Variants in FBLN1 observed in about 807,000 individuals in gnomAD.
FBLN1 encodes fibulin-1.
In FBLN1, 34 loss-of-function variants were observed where a neutral mutation model predicts 89.7. The ratio of observed to expected loss-of-function variants is 0.38; its 90% confidence interval spans 0.29 to 0.50. The LOEUF is 0.50. FBLN1 is among the 20% of genes least tolerant of loss of function. The pLI is 0.92. For missense variants in FBLN1, 777 were observed against 988.1 expected (o/e 0.79, Z 2.86); for synonymous variants, 393 against 391.3 (o/e 1.00, Z -0.05).
At chr22:45,570,334 A>AAG (rs1569260958) in intron 14 of FBLN1, among the ~76,000 whole-genome samples, 1 of 96,296 alleles carries the variant, frequency 1.0e-5, no homozygotes, top group East Asian at 2.7e-4. Flanking sequence ...AAAAAAAAAA[A>AAG]AAAAAGAAAA....
chr22:45,587,994 T>C (rs1283233150), intron 16 of FBLN1, among the ~76,000 whole-genome samples: 1 of 152,214 alleles, frequency 6.6e-6, no homozygotes, highest in Non-Finnish European at 1.5e-5. Flanking sequence ...CAGGTCCTGC[T>C]CTGAGGAATG....
chr22:45,511,320 A>G (rs1194305067), intron 1 of FBLN1, among the ~76,000 whole-genome samples: 2 of 150,232 alleles, frequency 1.3e-5, no homozygotes, highest in Admixed American at 1.3e-4. Flanking sequence ...ATGCCTGGTT[A>G]ATTTTGTATT....
rs1229594045 is a variant in FBLN1 at position 45,563,052 on chromosome 22, C to G, written c.1698-11459C>G. 1.9e-6 allele frequency: 3 copies of G among 1,613,494 alleles called. No homozygotes were observed. In the South Asian group the frequency reaches 3.3e-5, roughly 18 times the overall value. ...CGCATGGGCCCCTCCAGTGCTGTCC[C>G]CGGGGACAGCATGCAGCTGGCCATC... On this transcript the variant is annotated intron_variant, in intron 14 of 16. Transcript: ENST00000327858. The surrounding 1 kb of genome is among the most constrained non-coding windows in gnomAD (Gnocchi z 5.7).
At position 45,524,206 on chromosome 22, in the gene FBLN1, G is replaced by T. The variant is rs187510303; in HGVS notation, c.186-1337G>T. ...GCCATTTTTGTGCAGAGGTGGCCTG[G>T]CTGGCAGTGCAGGGAAGCTGGGGAG... On this transcript the variant is annotated intron_variant, in intron 2 of 16. Coordinates refer to ENST00000327858, the MANE Select transcript of FBLN1 (RefSeq NM_006486.3). 8.1e-4 allele frequency among the ~76,000 whole-genome samples: 123 copies of T among 152,320 alleles called. 1 individual carries two copies. Among genetic ancestry groups the T allele is most frequent in the Non-Finnish European group, 1.4e-3 (92 of 68,024 alleles).
intron 16 of FBLN1, among the ~76,000 whole-genome samples, chr22:45,584,484 C>T (rs550078673): frequency 1.1e-3 from 168 of 152,338 alleles, no homozygotes; most frequent in African/African-American, 3.7e-3. Context: ...TGTGTGGCCG[C>T]GGCAAACTGC....
In FBLN1 at chr22:45,586,335, A is replaced by G. The variant is rs2089085475; in HGVS notation, c.1972+9227A>G. On this transcript the variant is annotated intron_variant, in intron 16 of 16. Transcript: ENST00000327858. ...CGTGGCCGCCTCTGCAGGAGGAGAC[A>G]GCATGGTGGGGAGAGGGGACTGTCT... is the stretch of plus-strand genomic sequence containing the variant. Among the ~76,000 whole-genome samples, 3 of 152,336 alleles carry G rather than the reference A, an allele frequency of 2.0e-5. No homozygotes were observed. In the South Asian group the frequency reaches 6.2e-4, roughly 32 times the overall value.
chr22:45,523,466 G>T (rs1423600281), intron 2 of FBLN1, among the ~76,000 whole-genome samples: 1 of 152,238 alleles, frequency 6.6e-6, no homozygotes, highest in Non-Finnish European at 1.5e-5. Flanking sequence ...ACTTCGGGAG[G>T]CTGAGGCGGG....
chr22:45,544,330 G>T (rs898104782), intron 11 of FBLN1, among the ~76,000 whole-genome samples: 1 of 152,050 alleles, frequency 6.6e-6, no homozygotes, highest in African/African-American at 2.4e-5. Context: ...CAGATGATCC[G>T]CCCACCTCGG....
At chr22:45,591,661 T>C (rs902781436) in intron 16 of FBLN1, among the ~76,000 whole-genome samples, 11 of 152,082 alleles carry the variant, frequency 7.2e-5, no homozygotes, top group African/African-American at 2.7e-4. Context: ...GAAGACCAGG[T>C]TTCGGGAGCT....
In FBLN1 at chr22:45,536,044, G is replaced by A. The variant is rs185690664; in HGVS notation, c.922+707G>A. Among the ~76,000 whole-genome samples, 482 of 152,288 alleles carry A rather than the reference G, an allele frequency of 3.2e-3. 3 individuals carry two copies. The highest frequency in any genetic ancestry group is 0.011 in the African/African-American group (449 of 41,554). On this transcript the variant is annotated intron_variant, in intron 8 of 16. Coordinates refer to ENST00000327858, the MANE Select transcript of FBLN1 (RefSeq NM_006486.3). This position sits in a 1 kb window ranked among gnomAD's most constrained non-coding sequence, Gnocchi z 5.1. ...CAAAAAATTAGCTGGGTGTAGTGGC[G>A]CATGCCTACAGTCCCAGCTACTTGG...
In FBLN1 at chr22:45,580,799, G is replaced by A. The variant is rs1050974837; in HGVS notation, c.1972+3691G>A. On this transcript the variant is annotated intron_variant, in intron 16 of 16. Coordinates refer to ENST00000327858, the MANE Select transcript of FBLN1 (RefSeq NM_006486.3). This position sits in a 1 kb window ranked among gnomAD's most constrained non-coding sequence, Gnocchi z 8.6. ...CCTCCCAGAGTAACAGAAGAAGAGGGAGAAATGCCCCGAGTCCACTAAGAA... is the reference window on the plus strand; with the variant it reads ...CCTCCCAGAGTAACAGAAGAAGAGGAAGAAATGCCCCGAGTCCACTAAGAA... 6.6e-6 allele frequency among the ~76,000 whole-genome samples: 1 copy of A among 152,154 alleles called. No homozygotes were observed. The highest frequency in any genetic ancestry group is 2.4e-5 in the African/African-American group (1 of 41,446).
In FBLN1 at chr22:45,580,749, G is replaced by C. The variant is rs1376814176; in HGVS notation, c.1972+3641G>C. 6.6e-6 allele frequency among the ~76,000 whole-genome samples: 1 copy of C among 152,180 alleles called. No individual in the cohort carries two copies. The highest frequency in any genetic ancestry group is 1.9e-4 in the East Asian group (1 of 5,172). ...GTCCCAGAAAAACAATCAGCGCACAGGCCCCGGGGCTCGCCGTGTTCAGTC... is the reference window on the plus strand; with the variant it reads ...GTCCCAGAAAAACAATCAGCGCACACGCCCCGGGGCTCGCCGTGTTCAGTC... On this transcript the variant is annotated intron_variant, in intron 16 of 16. Transcript: ENST00000327858. The surrounding 1 kb of genome is among the most constrained non-coding windows in gnomAD (Gnocchi z 8.6).
At chr22:45,587,487 C>T (rs895668681) in intron 16 of FBLN1, among the ~76,000 whole-genome samples, 7 of 152,180 alleles carry the variant, frequency 4.6e-5, no homozygotes, top group Non-Finnish European at 1.0e-4. Context: ...CTCGCCTGCT[C>T]CTACCCTCCA....
At chr22:45,587,684 C>T (rs1305674797) in intron 16 of FBLN1, among the ~76,000 whole-genome samples, 1 of 152,178 alleles carries the variant, frequency 6.6e-6, no homozygotes, top group African/African-American at 2.4e-5. Context: ...CATCTTACTC[C>T]TTCCTCTTCC....
At chr22:45,594,623 C>T (rs1367793579) in intron 16 of FBLN1, among the ~76,000 whole-genome samples, 1 of 150,332 alleles carries the variant, frequency 6.7e-6, no homozygotes, top group East Asian at 2.0e-4. Context: ...GGTGGATGGA[C>T]AGATGGGTTG....
At chr22:45,571,694 C>T (rs145793543) in intron 14 of FBLN1, among the ~76,000 whole-genome samples, 1 of 152,260 alleles carries the variant, frequency 6.6e-6, no homozygotes, top group Non-Finnish European at 1.5e-5. Flanking sequence ...TATGGTCCTT[C>T]TTTTGAATTG....
In FBLN1 at chr22:45,574,734, G is replaced by A. The variant is rs938306221; in HGVS notation, c.1840+81G>A. The A allele has an allele frequency of 5.3e-6, 6 of 1,132,574 alleles. No homozygotes were observed. Among genetic ancestry groups the A allele is most frequent in the Non-Finnish European group, 6.5e-6 (5 of 774,636 alleles). The allele number at this position is 1,132,574 out of a possible 1,614,324, so 70.2% of individuals were successfully genotyped here. A position where few individuals can be genotyped will look rare whatever the true frequency, so the allele number is the denominator to read the frequency against. On this transcript the variant is annotated intron_variant, in intron 15 of 16. Coordinates refer to ENST00000327858, the MANE Select transcript of FBLN1 (RefSeq NM_006486.3). The surrounding 1 kb of genome is among the most constrained non-coding windows in gnomAD (Gnocchi z 4.1). ...GCTGAGGGCTTGGCCTACAGGAGTT[G>A]TTCCTTGTAAGATGTGGCCCAGGCT...
chr22:45,597,974 C>A lies in FBLN1; in HGVS notation c.1973-2333C>A, dbSNP rs546552379. 1.3e-5 allele frequency among the ~76,000 whole-genome samples: 2 copies of A among 152,306 alleles called. No individual in the cohort carries two copies. The highest frequency in any genetic ancestry group is 4.8e-5 in the African/African-American group (2 of 41,568). On this transcript the variant is annotated intron_variant, in intron 16 of 16. Transcript: ENST00000327858. The surrounding 1 kb of genome is among the most constrained non-coding windows in gnomAD (Gnocchi z 4.2). The stretch of plus-strand genomic sequence containing the variant: ...AGGAACCAGCCACTCGTACCGAAGG[C>A]CTTCCTGACCCCTCAGTTCTCCCCT...
chr22:45,547,067 C>G lies in FBLN1; in HGVS notation c.1322-18C>G, dbSNP rs759910515. The stretch of plus-strand genomic sequence containing the variant: ...GACGTATGATGCTCTGAGCGGTGAC[C>G]CTCGTTTTGTATTTCAGACATCAAT... On this transcript the variant is annotated intron_variant, in intron 11 of 16. Transcript: ENST00000327858. 1 of 1,613,930 alleles carries G rather than the reference C, an allele frequency of 6.2e-7. No individual in the cohort carries two copies. The highest frequency in any genetic ancestry group is 8.5e-7 in the Non-Finnish European group (1 of 1,179,990).
Sources: gnomAD v4.1 joint callset for allele counts (sites outside exome capture counted in the v4.1 genomes callset) on GRCh38, gnomAD v4.1.1 for gene constraint, Gnocchi (gnomAD v3.1) non-coding constraint, MANE v1.5 for transcripts, NCBI Gene and HGNC (gene_info 2026-07-23, HGNC 2026-07-21) for gene names.